Variants in ITGA9 observed in about 807,000 individuals in gnomAD.
ITGA9 encodes integrin subunit alpha 9, also known as integrin alpha-9.
In ITGA9, 56 loss-of-function variants were observed where a neutral mutation model predicts 127.8. That is an observed-to-expected ratio of 0.44 (90% CI 0.35 to 0.55). ITGA9 has a LOEUF of 0.55. Ranked by LOEUF, ITGA9 falls within the 20% of genes least tolerant of loss-of-function variation. The probability of loss-of-function intolerance (pLI) is 0.00; values close to 1 mark genes in which losing one functional copy is unlikely to be tolerated. For missense variants in ITGA9, 1,196 were observed against 1,347.1 expected, an observed-to-expected ratio of 0.89 and a Z score of 1.76; for synonymous variants, 508 against 514.5, an observed-to-expected ratio of 0.99 and a Z score of 0.17.
intron 23 of ITGA9, among the ~76,000 whole-genome samples, chr3:37,764,933 T>C (rs1375459732): frequency 1.3e-5 from 2 of 152,216 alleles, no homozygotes; most frequent in Non-Finnish European, 2.9e-5. Flanking sequence ...CCCATTACTC[T>C]CTATCTCATT....
chr3:37,733,061 C>A (rs1653928303), intron 19 of ITGA9: 1 of 482,740 alleles, frequency 2.1e-6, no homozygotes, highest in Non-Finnish European at 3.8e-6. Flanking sequence ...ACCACAGCCT[C>A]TGCACTTTAG....
chr3:37,750,265 A>G (rs1315772828), intron 22 of ITGA9, among the ~76,000 whole-genome samples, 197 bp from the exon 23 acceptor site: 1 of 152,258 alleles, frequency 6.6e-6, no homozygotes, highest in Non-Finnish European at 1.5e-5. Flanking sequence ...TTTTAGATGC[A>G]TGTTAGAAGT....
At chr3:37,657,568 G>A (rs981020000) in intron 17 of ITGA9, among the ~76,000 whole-genome samples, 1 of 149,620 alleles carries the variant, frequency 6.7e-6, no homozygotes, top group African/African-American at 2.5e-5. Context: ...GTTTCTGTTT[G>A]ATTCTCTGTT....
chr3:37,514,144 A>G (rs1579078251), intron 9 of ITGA9, among the ~76,000 whole-genome samples: 4 of 152,334 alleles, frequency 2.6e-5, no homozygotes, highest in South Asian at 4.1e-4. Flanking sequence ...AGTGCTTACT[A>G]TGTACCAGGG....
chr3:37,816,764 C>G (rs1006689599), intron 27 of ITGA9, among the ~76,000 whole-genome samples: 2 of 152,190 alleles, frequency 1.3e-5, no homozygotes, highest in Non-Finnish European at 2.9e-5. Context: ...GGGAAGAAAC[C>G]TCCAGGGCTG....
intron 15 of ITGA9, among the ~76,000 whole-genome samples, chr3:37,621,157 C>G (rs2125631368): frequency 6.6e-6 from 1 of 151,902 alleles, no homozygotes; most frequent in South Asian, 2.1e-4. Flanking sequence ...GGGGAAACTC[C>G]TTTCACTTGG....
At chr3:37,470,690 A>G (rs1698421144) in intron 1 of ITGA9, among the ~76,000 whole-genome samples, 1 of 152,098 alleles carries the variant, frequency 6.6e-6, no homozygotes, top group African/African-American at 2.4e-5. Flanking sequence ...TTTTTTGTGA[A>G]GATGGGATTT....
intron 23 of ITGA9, among the ~76,000 whole-genome samples, chr3:37,768,795 T>C (rs1696808482): frequency 6.6e-6 from 1 of 152,078 alleles, no homozygotes; most frequent in Non-Finnish European, 1.5e-5. Flanking sequence ...TAGGTTTTTT[T>C]TTTTTTACCC....
At chr3:37,484,175 AG>A (rs1324852783) in intron 4 of ITGA9, among the ~76,000 whole-genome samples, 1 of 152,184 alleles carries the variant, frequency 6.6e-6, no homozygotes, top group Non-Finnish European at 1.5e-5. Context: ...TCATTGGCCC[AG>A]GGTGGGAAAT....
At chr3:37,727,322 G>T (rs1696223828) in intron 18 of ITGA9, among the ~76,000 whole-genome samples, 1 of 152,182 alleles carries the variant, frequency 6.6e-6, no homozygotes. Context: ...TCTTCAGCAA[G>T]AAACCCTGAG....
chr3:37,627,962 G>A (rs892384625), intron 15 of ITGA9, among the ~76,000 whole-genome samples: 5 of 152,182 alleles, frequency 3.3e-5, no homozygotes, highest in South Asian at 2.1e-4. Flanking sequence ...GCTGGGTGTC[G>A]GGGAGGGGTG....
chr3:37,732,580 G>A lies in ITGA9; in HGVS notation c.2068-132G>A, dbSNP rs949855764. ...CTGGAAGGGGGCTGGAGACGGCCTG[G>A]TCAGGGCATCTCGTCCCACTGGTGC... On this transcript the variant is annotated intron_variant, in intron 18 of 27. Coordinates refer to ENST00000264741, the MANE Select transcript of ITGA9 (RefSeq NM_002207.3). 10 of 733,606 alleles carry A rather than the reference G, an allele frequency of 1.4e-5. No individual in the cohort carries two copies. The Admixed American group carries it at 2.0e-4, about 15-fold the overall frequency. The allele number at this position is 733,606 out of a possible 1,614,324, so 45.4% of individuals were successfully genotyped here.
rs1696472511 is a variant in ITGA9 at position 37,744,143 on chromosome 3, T to C, written c.2433+109T>C. On this transcript the variant is annotated intron_variant, in intron 22 of 27. Coordinates refer to ENST00000264741, the MANE Select transcript of ITGA9 (RefSeq NM_002207.3). ...TTGTCAGGAGAAACCCTTCTGTGGT[T>C]GGCTGGTGTGGTGTGTGTGTGAGAT... 13 of 787,634 alleles carry C rather than the reference T, an allele frequency of 1.7e-5. No homozygotes were observed. In the Admixed American group the frequency reaches 2.4e-4, roughly 15 times the overall value. 48.8% of individuals were successfully genotyped at this position (787,634 alleles called of 1,614,324 possible). A position where few individuals can be genotyped will look rare whatever the true frequency, so the allele number is the denominator to read the frequency against.
chr3:37,665,156 G>T (rs969178520), intron 17 of ITGA9, among the ~76,000 whole-genome samples: 1 of 151,404 alleles, frequency 6.6e-6, no homozygotes, highest in East Asian at 2.0e-4. Context: ...TATTTTTTTA[G>T]TAGAGATGGG....
intron 14 of ITGA9, among the ~76,000 whole-genome samples, chr3:37,541,038 G>A (rs1699260473): frequency 6.6e-6 from 1 of 152,236 alleles, no homozygotes; most frequent in East Asian, 1.9e-4. Context: ...AATACGCCCT[G>A]TGGCAGGTGC....
At chr3:37,648,429 GC>G (rs1302278246) in intron 16 of ITGA9, among the ~76,000 whole-genome samples, 5 of 152,154 alleles carry the variant, frequency 3.3e-5, no homozygotes, top group African/African-American at 9.7e-5. Flanking sequence ...TTTGAGACTA[GC>G]CTGGGCAACA....
rs1284968247 is a variant in ITGA9, at chr3:37,748,767, AGAAG to A, written c.2434-1690_2434-1687del. ...TGTCTTAAAAAAAAAAAAAAAAAAA[AGAAG>A]GAAGCCAAACAGAAAGATACCTGGG... is the stretch of plus-strand genomic sequence containing the variant. On this transcript the variant is annotated intron_variant, in intron 22 of 27. Transcript: ENST00000264741. 1.1e-4 allele frequency: 70 copies of A among 626,374 alleles called. 1 individual carries two copies. In the South Asian group the frequency reaches 1.1e-3, roughly 10 times the overall value. The allele number at this position is 626,374 out of a possible 1,614,324, so 38.8% of individuals were successfully genotyped here.
chr3:37,816,627 A>G (rs1201363123), intron 27 of ITGA9, among the ~76,000 whole-genome samples: 1 of 152,094 alleles, frequency 6.6e-6, no homozygotes, highest in East Asian at 1.9e-4. Context: ...CTTTTTCTTA[A>G]TTATCCAGAA....
chr3:37,470,923 C>T, intron 1 of ITGA9, 84 bp from the exon 2 acceptor site: 6 of 1,435,016 alleles, frequency 4.2e-6, no homozygotes, highest in Non-Finnish European at 5.9e-6. Context: ...AGAGAGCCCA[C>T]CCGTGGTTGG....
Sources: gnomAD v4.1 joint callset for allele counts (sites outside exome capture counted in the v4.1 genomes callset) on GRCh38, gnomAD v4.1.1 for gene constraint, MANE v1.5 for transcripts, NCBI Gene and HGNC (gene_info 2026-07-23, HGNC 2026-07-21) for gene names.